The following CYB5A variants were observed in gnomAD, a reference collection of about 807,000 sequenced individuals.
The protein encoded by CYB5A is cytochrome b5 type A, also known as cytochrome b5.
CYB5A carries 10 observed loss-of-function variants against 16.2 expected under a neutral mutation model. That is an observed-to-expected ratio of 0.62 (90% CI 0.38 to 1.04). The LOEUF (loss-of-function observed/expected upper bound fraction) is 1.04, where lower values mean the gene tolerates loss of function less well. Among genes scored for constraint, CYB5A ranks in the 50% least tolerant of loss-of-function variants. The probability of loss-of-function intolerance (pLI) is 0.01; values close to 1 mark genes in which losing one functional copy is unlikely to be tolerated. For missense variants in CYB5A, 161 were observed against 165.9 expected (o/e 0.97, Z 0.16); for synonymous variants, 62 against 57.0 (o/e 1.09, Z -0.40).
chr18:74,257,798 G>A (rs1303313648), intron 3 of CYB5A: 1 of 152,344 alleles, frequency 6.6e-6, no homozygotes, highest in Non-Finnish European at 1.5e-5. Context: ...TGTGCCTATG[G>A]TCCAGCTACT....
At chr18:74,269,990 C>A (rs1204245221) in intron 1 of CYB5A, among the ~76,000 whole-genome samples, 1 of 152,092 alleles carries the variant, frequency 6.6e-6, no homozygotes, top group African/African-American at 2.4e-5. Context: ...GAAACAGATG[C>A]CTTCAGTGAT....
chr18:74,263,513 T>A (rs778089288), intron 1 of CYB5A, 36 bp from the exon 2 acceptor site: 3 of 1,605,126 alleles, frequency 1.9e-6, no homozygotes, highest in Non-Finnish European at 2.6e-6. Flanking sequence ...AATTTTTTTT[T>A]CAGGCAAATG....
In CYB5A at chr18:74,253,539, C is replaced by A. The variant is rs186464770; in HGVS notation, c.*45G>T. On this transcript the variant is annotated 3_prime_UTR_variant, in exon 5 of 5. Transcript: ENST00000340533. ...TAGTTAGCAATGGCTTCTTTTCTCC[C>A]GTGTCCAAAGCAGGCTCTTCCTGCG... 5 of 1,290,724 alleles carry A rather than the reference C, an allele frequency of 3.9e-6. No homozygotes were observed. The Admixed American group carries it at 8.5e-5, about 22-fold the overall frequency. 80.0% of individuals were successfully genotyped at this position (1,290,724 alleles called of 1,614,324 possible). A position where few individuals can be genotyped will look rare whatever the true frequency, so the allele number is the denominator to read the frequency against.
intron 1 of CYB5A, among the ~76,000 whole-genome samples, chr18:74,290,553 T>TG (rs1329388713): frequency 6.6e-6 from 1 of 152,132 alleles, no homozygotes. Context: ...CCCAGCCTCA[T>TG]TTTTTAAAAC....
In CYB5A at chr18:74,253,448, T is replaced by C. The variant is rs1472488353; in HGVS notation, c.*136A>G. The C allele has an allele frequency of 1.6e-6, 1 of 638,292 alleles. No homozygotes were observed. Among genetic ancestry groups the C allele is most frequent in the African/African-American group, 1.8e-5 (1 of 54,190 alleles). 39.5% of individuals were successfully genotyped at this position (638,292 alleles called of 1,614,324 possible). ...AGTTCTTTTTGTTTTGTTTCTAATGTCGGAAGAAAAAGAAAGAGATATATT... is the reference window on the plus strand; with the variant it reads ...AGTTCTTTTTGTTTTGTTTCTAATGCCGGAAGAAAAAGAAAGAGATATATT... On this transcript the variant is annotated 3_prime_UTR_variant, in exon 5 of 5. Transcript: ENST00000340533.
intron 3 of CYB5A, chr18:74,258,810 A>T (rs1043232237): frequency 2.6e-5 from 4 of 152,266 alleles, no homozygotes; most frequent in Non-Finnish European, 5.9e-5. Flanking sequence ...AAAAATACTC[A>T]GAAGTTAGTT....
intron 1 of CYB5A, among the ~76,000 whole-genome samples, chr18:74,273,782 G>A (rs539532643): frequency 5.3e-5 from 8 of 151,396 alleles, no homozygotes; most frequent in Admixed American, 2.0e-4. Context: ...CAGCTCCCCC[G>A]GGGATCACAA....
chr18:74,257,095 A>G, intron 3 of CYB5A: 1 of 490,366 alleles, frequency 2.0e-6, no homozygotes, highest in Non-Finnish European at 3.6e-6. Flanking sequence ...GAATCACTGA[A>G]GGTAAAATAT....
intron 1 of CYB5A, 21 bp from the exon 2 acceptor site, chr18:74,263,498 A>AC (rs1318461601): frequency 6.2e-7 from 1 of 1,613,374 alleles, no homozygotes. Flanking sequence ...GAGAGGTAGA[A>AC]TAAAAATTTT....
intron 1 of CYB5A, among the ~76,000 whole-genome samples, chr18:74,279,635 G>A (rs1983014587): frequency 6.6e-6 from 1 of 150,736 alleles, no homozygotes; most frequent in South Asian, 2.1e-4. Flanking sequence ...ACAGTGGCAT[G>A]TGCCCATCTC....
In CYB5A at chr18:74,252,703, G is replaced by C. The variant is rs1232896754; in HGVS notation, c.*881C>G. On this transcript the variant is annotated 3_prime_UTR_variant, in exon 5 of 5. Coordinates refer to ENST00000340533, the MANE Select transcript of CYB5A (RefSeq NM_148923.4). ...GAAGTCTCTCTTATAGGCCCTGTAG[G>C]CTACTTTCTTTTTTTTTTGAGACAG... 6.6e-6 allele frequency: 1 copy of C among 151,182 alleles called. No individual in the cohort carries two copies. Among genetic ancestry groups the C allele is most frequent in the East Asian group, 2.0e-4 (1 of 5,058 alleles). 9.4% of individuals were successfully genotyped at this position (151,182 alleles called of 1,614,324 possible).
Position 74,253,606 on chromosome 18 carries a change from C to T in CYB5A, c.383G>A (p.Arg128His), listed in dbSNP as rs145656581. 216 of 1,612,882 alleles carry T rather than the reference C, an allele frequency of 1.3e-4. No individual in the cohort carries two copies. In the African/African-American group the frequency reaches 1.4e-3, roughly 11 times the overall value. Residue 128 changes from arginine to histidine, a missense_variant, in exon 5 of 5, where the codon CGC becomes CAC. Physicochemically the swap from Arg to His is conservative, Grantham distance 29 (BLOSUM62 0). Transcript: ENST00000340533. Reference sequence around the variant, plus strand: ...TGTTCAGTCCTCTGCCATGTATAGGCGATACATCAAGGCGACGGCCACTGC... The same window carrying T: ...TGTTCAGTCCTCTGCCATGTATAGGTGATACATCAAGGCGACGGCCACTGC... ...ISAVAVALMY[R>H]LYMAED is the part of the protein sequence containing the mutation.
intron 4 of CYB5A, among the ~76,000 whole-genome samples, chr18:74,254,622 C>T (rs1568212890): frequency 6.6e-6 from 1 of 151,840 alleles, no homozygotes; most frequent in Admixed American, 6.5e-5. Context: ...TGGGTTCACA[C>T]CATTCTCCTG....
intron 3 of CYB5A, chr18:74,260,420 C>A: frequency 4.5e-6 from 1 of 220,088 alleles, no homozygotes; most frequent in Non-Finnish European, 9.1e-6. Flanking sequence ...TTTTCCTTTC[C>A]CAAGGAAAAG....
intron 4 of CYB5A, among the ~76,000 whole-genome samples, chr18:74,254,602 C>A (rs1981898010): frequency 6.6e-6 from 1 of 151,546 alleles, no homozygotes; most frequent in African/African-American, 2.4e-5. Flanking sequence ...TCACTGCAAG[C>A]TCCGCCTCCT....
At chr18:74,276,658 G>A (rs1055955256) in intron 1 of CYB5A, among the ~76,000 whole-genome samples, 1 of 152,000 alleles carries the variant, frequency 6.6e-6, no homozygotes, top group Non-Finnish European at 1.5e-5. Context: ...ATCTGCAGCA[G>A]GTCAAAGTCA....
chr18:74,284,770 C>T (rs1045765403), intron 1 of CYB5A, among the ~76,000 whole-genome samples: 1 of 152,170 alleles, frequency 6.6e-6, no homozygotes, highest in Non-Finnish European at 1.5e-5. Context: ...CCCTCCAGAG[C>T]CTCCCCAGCG....
chr18:74,291,949 C>A lies in CYB5A; in HGVS notation c.-74G>T. On this transcript the variant is annotated 5_prime_UTR_variant, in exon 1 of 5. The change creates a premature stop within an existing upstream ORF in the 5' untranslated region. Coordinates refer to ENST00000340533, the MANE Select transcript of CYB5A (RefSeq NM_148923.4). ...AGCAGAGCGCGCGACTCAGCCAGCT[C>A]CACCCGGGACATTCCCCGCGCCGGG... 6.3e-7 allele frequency: 1 copy of A among 1,598,978 alleles called. No homozygotes were observed. The highest frequency in any genetic ancestry group is 8.5e-7 in the Non-Finnish European group (1 of 1,178,114).
chr18:74,271,154 T>C (rs1476075903), intron 1 of CYB5A, among the ~76,000 whole-genome samples: 1 of 152,244 alleles, frequency 6.6e-6, no homozygotes, highest in Non-Finnish European at 1.5e-5. Context: ...TCAAAATATT[T>C]TACTGTCTAC....
Sources: allele counts gnomAD v4.1 joint callset (sites outside exome capture counted in the v4.1 genomes callset), GRCh38; gene constraint gnomAD v4.1.1; transcripts MANE v1.5; gene names NCBI Gene and HGNC (gene_info 2026-07-23, HGNC 2026-07-21).